The following SARDH variants were observed in gnomAD, a reference collection of about 807,000 sequenced individuals.
SARDH encodes sarcosine dehydrogenase, mitochondrial.
SARDH carries 95 observed loss-of-function variants against 109.1 expected under a neutral mutation model. The observed-to-expected ratio is 0.87, with a 90% CI of 0.74 to 1.03. SARDH has a LOEUF of 1.03. SARDH is among the 50% of genes least tolerant of loss of function. SARDH has a pLI of 0.00. For missense variants in SARDH, 1,267 were observed against 1,287.8 expected (o/e 0.98, Z 0.25); for synonymous variants, 572 against 534.8 (o/e 1.07, Z -0.96).
In SARDH at chr9:133,666,856, A is replaced by C. The variant is rs1447684809; in HGVS notation, c.2510T>G (p.Phe837Cys). 4 of 1,612,534 alleles carry C rather than the reference A, an allele frequency of 2.5e-6. No homozygotes were observed. In the African/African-American group the frequency reaches 5.3e-5, roughly 22 times the overall value. The change falls in exon 20 of 21, where the codon TTT becomes TGT. Residue 837 changes from phenylalanine to cysteine, a missense_variant. Transcript: ENST00000439388. The surrounding 1 kb of genome is among the most constrained non-coding windows in gnomAD (Gnocchi z 5.2). Reference sequence around the variant, plus strand: ...GTTCCTCCAGATGGCCTCCAGGCCAAACATGGGTACTTTGCTGGAAGAAGC... The same window carrying C: ...GTTCCTCCAGATGGCCTCCAGGCCACACATGGGTACTTTGCTGGAAGAAGC... ...CFTMEDKVPM[F>C]GLEAIWRNGQ... is the part of the protein sequence containing the mutation.
rs186196442 is a variant in SARDH, at chr9:133,666,628, G to A, written c.2631+107C>T. On this transcript the variant is annotated intron_variant, in intron 20 of 20. Transcript: ENST00000439388. The surrounding 1 kb of genome is among the most constrained non-coding windows in gnomAD (Gnocchi z 5.2). ...CCTCCTCCTCTTCTGGACCACACCC[G>A]TGCCTCCTCCCTATGCCCGGCACAC... 5.3e-4 allele frequency: 732 copies of A among 1,388,050 alleles called. 1 individual carries two copies. The African/African-American group carries it at 6.7e-3, about 13-fold the overall frequency. 86.0% of individuals were successfully genotyped at this position (1,388,050 alleles called of 1,614,324 possible). A position where few individuals can be genotyped will look rare whatever the true frequency, so the allele number is the denominator to read the frequency against.
At chr9:133,723,208 C>T (rs1328460986) in intron 6 of SARDH, among the ~76,000 whole-genome samples, 1 of 152,144 alleles carries the variant, frequency 6.6e-6, no homozygotes, top group Non-Finnish European at 1.5e-5. Flanking sequence ...ACAACACACC[C>T]CAAATTGATC....
chr9:133,699,576 TC>T (rs1831407728), intron 13 of SARDH, among the ~76,000 whole-genome samples: 1 of 152,126 alleles, frequency 6.6e-6, no homozygotes, highest in Non-Finnish European at 1.5e-5. Context: ...TGAACAGACA[TC>T]TCTCCACAGA....
chr9:133,691,853 C>T (rs934342168), intron 15 of SARDH, among the ~76,000 whole-genome samples: 4 of 152,082 alleles, frequency 2.6e-5, no homozygotes, highest in Non-Finnish European at 5.9e-5. Context: ...GAGTGGTGTC[C>T]CCAGGACCCG....
intron 7 of SARDH, 124 bp from the exon 8 acceptor site, chr9:133,717,579 G>A (rs949453690): frequency 4.4e-5 from 61 of 1,382,456 alleles, no homozygotes; most frequent in Admixed American, 1.8e-4. Flanking sequence ...TAGAGGGCTG[G>A]TGGTCACCCA....
In SARDH at chr9:133,728,001, C is replaced by T. The variant is rs537997052; in HGVS notation, c.915+1764G>A. Among the ~76,000 whole-genome samples, 85 of 152,190 alleles carry T rather than the reference C, an allele frequency of 5.6e-4. 1 individual carries two copies. Among genetic ancestry groups the T allele is most frequent in the East Asian group, 3.9e-4 (2 of 5,160 alleles). ...CTCCCAGAACCCACTGAGACCTGAG[C>T]GTGACCCCTGGCGGCCACCTAGGGG... On this transcript the variant is annotated intron_variant, in intron 6 of 20. Transcript: ENST00000439388. The surrounding 1 kb of genome is among the most constrained non-coding windows in gnomAD (Gnocchi z 5.0).
intron 17 of SARDH, among the ~76,000 whole-genome samples, chr9:133,679,831 C>A (rs376634885): frequency 4.6e-5 from 7 of 152,246 alleles, no homozygotes; most frequent in African/African-American, 1.7e-4. Context: ...TGAGGAGGGT[C>A]TTTGGGCAGC....
chr9:133,719,046 G>A lies in SARDH; in HGVS notation c.916-4C>T. On this transcript the variant is annotated splice_region_variant and splice_polypyrimidine_tract_variant and intron_variant, in intron 6 of 20. Transcript: ENST00000439388. ...GATCACGGACATTGGGCATGTTCTGGAAGGCAGAGAGAGAGGCCTTGGCAT... is the reference window on the plus strand; with the variant it reads ...GATCACGGACATTGGGCATGTTCTGAAAGGCAGAGAGAGAGGCCTTGGCAT... 6.2e-7 allele frequency: 1 copy of A among 1,613,604 alleles called. No homozygotes were observed. The highest frequency in any genetic ancestry group is 8.5e-7 in the Non-Finnish European group (1 of 1,179,518).
chr9:133,705,490 G>A (rs775199494), intron 11 of SARDH, among the ~76,000 whole-genome samples: 1 of 144,258 alleles, frequency 6.9e-6, no homozygotes, highest in Non-Finnish European at 1.5e-5. Context: ...CACCTGCCCT[G>A]ATCTGCTCTT....
chr9:133,730,528 T>TAAAAA (rs33917417), intron 4 of SARDH, among the ~76,000 whole-genome samples: 45 of 142,688 alleles, frequency 3.2e-4, no homozygotes, highest in Admixed American at 2.7e-3. Flanking sequence ...TACTGCTTGG[T>TAAAAA]AAAAAAAAAA....
chr9:133,730,129 C>T lies in SARDH; in HGVS notation c.749G>A (p.Arg250Gln), dbSNP rs761611538. Reference sequence around the variant, plus strand: ...CTGAGTCTCCACACCCGCGACCCGCCGCACCCCAAAATCATCCGTCCACAC... The same window carrying T: ...CTGAGTCTCCACACCCGCGACCCGCTGCACCCCAAAATCATCCGTCCACAC... ...IRVWTDDFGV[R>Q]RVAGVETQHG... The change falls in exon 5 of 21, where the codon CGG becomes CAG. Residue 250 changes from arginine to glutamine, a missense_variant. Arg to Gln is a conservative substitution (Grantham distance 43). Coordinates refer to ENST00000439388, the MANE Select transcript of SARDH (RefSeq NM_001134707.2). 36 of 1,614,110 alleles carry T rather than the reference C, an allele frequency of 2.2e-5. No homozygotes were observed. The African/African-American group carries it at 2.3e-4, about 10-fold the overall frequency.
chr9:133,680,923 C>T (rs1247277843), intron 17 of SARDH, among the ~76,000 whole-genome samples: 1 of 152,230 alleles, frequency 6.6e-6, no homozygotes. Flanking sequence ...TTAGCCCCAG[C>T]TCACCCCCAG....
Position 133,694,131 on chromosome 9 carries a change from G to A in SARDH, c.1921+127C>T, listed in dbSNP as rs1831198160. The A allele has an allele frequency of 5.9e-6, 4 of 680,432 alleles. No individual in the cohort carries two copies. The South Asian group carries it at 6.0e-5, about 10-fold the overall frequency. 42.1% of individuals were successfully genotyped at this position (680,432 alleles called of 1,614,324 possible). On this transcript the variant is annotated intron_variant, in intron 15 of 20. Coordinates refer to ENST00000439388, the MANE Select transcript of SARDH (RefSeq NM_001134707.2). ...CTCTAATCTCCCAGCTCTGACCACA[G>A]CGGGCACAACAGCTAATGACAGAGC...
chr9:133,723,162 C>T (rs995423536), intron 6 of SARDH, among the ~76,000 whole-genome samples: 3 of 152,154 alleles, frequency 2.0e-5, no homozygotes, highest in East Asian at 1.9e-4. Context: ...GGACATCTCA[C>T]GTTCATGAAA....
At chr9:133,737,623 T>C (rs376532428) in intron 1 of SARDH, among the ~76,000 whole-genome samples, 11 of 150,454 alleles carry the variant, frequency 7.3e-5, no homozygotes, top group African/African-American at 2.0e-4. Flanking sequence ...GCCTCCCTCC[T>C]CCTTCCGACT....
intron 19 of SARDH, among the ~76,000 whole-genome samples, chr9:133,669,557 G>A (rs996512613): frequency 3.3e-5 from 5 of 151,708 alleles, no homozygotes; most frequent in Admixed American, 6.6e-5. Context: ...AGTGGGACTC[G>A]GGTTCCTGGA....
upstream of SARDH, among the ~76,000 whole-genome samples, chr9:133,739,021 C>A (rs376911355): frequency 1.6e-4 from 25 of 152,310 alleles, no homozygotes; most frequent in South Asian, 5.2e-3. Context: ...AGGGAGGGGG[C>A]CACACAGCAA....
intron 15 of SARDH, among the ~76,000 whole-genome samples, chr9:133,691,171 C>CACAT (rs755541249): frequency 1.5e-5 from 1 of 66,838 alleles, no homozygotes; most frequent in Non-Finnish European, 2.8e-5. Context: ...CCTCCCCCAA[C>CACAT]ACACACACAC....
chr9:133,702,842 C>T (rs559470881), intron 13 of SARDH, 74 bp downstream of exon 13: 20 of 1,413,824 alleles, frequency 1.4e-5, no homozygotes, highest in Admixed American at 7.4e-5. Context: ...CAGGGCCAGC[C>T]GAGGGCCGGC....
Sources: allele counts gnomAD v4.1 joint callset (sites outside exome capture counted in the v4.1 genomes callset), GRCh38; gene constraint gnomAD v4.1.1; non-coding constraint Gnocchi (gnomAD v3.1); transcripts MANE v1.5; gene names NCBI Gene and HGNC (gene_info 2026-07-23, HGNC 2026-07-21).